The following PCNX1 variants were observed in gnomAD, a reference collection of about 807,000 sequenced individuals.
PCNX1 encodes pecanex 1.
PCNX1 carries 78 observed loss-of-function variants against 242.2 expected under a neutral mutation model. The observed-to-expected ratio is 0.32, with a 90% CI of 0.27 to 0.39. PCNX1 has a LOEUF of 0.39. Among genes scored for constraint, PCNX1 ranks in the 10% least tolerant of loss-of-function variants. The pLI is 1.00. For missense variants in PCNX1, 2,581 were observed against 2,856.5 expected, an observed-to-expected ratio of 0.90 and a Z score of 2.20; for synonymous variants, 1,024 against 1,032.9, an observed-to-expected ratio of 0.99 and a Z score of 0.17.
At chr14:71,055,405 C>A (rs2061155601) in intron 24 of PCNX1, 99 bp from the exon 25 acceptor site, 1 of 697,488 alleles carries the variant, frequency 1.4e-6, no homozygotes, top group East Asian at 2.7e-5. Flanking sequence ...AAAGTGATAA[C>A]CTTTATTTTA....
In PCNX1 at chr14:70,978,743, T is replaced by C; in HGVS notation, c.2311+95T>C. On this transcript the variant is annotated intron_variant, in intron 6 of 35. Transcript: ENST00000304743. ...TTACTAAAATATGCTTCTGTTAATATTCCCCCTTCCACTGTGTTATTAAAA... is the reference window on the plus strand; with the variant it reads ...TTACTAAAATATGCTTCTGTTAATACTCCCCCTTCCACTGTGTTATTAAAA... 5 of 1,065,996 alleles carry C rather than the reference T, an allele frequency of 4.7e-6. No individual in the cohort carries two copies. In the Admixed American group the frequency reaches 1.2e-4, roughly 26 times the overall value. 66.0% of individuals were successfully genotyped at this position (1,065,996 alleles called of 1,614,324 possible). A position where few individuals can be genotyped will look rare whatever the true frequency, so the allele number is the denominator to read the frequency against.
chr14:71,084,286 C>T (rs1314790402), intron 28 of PCNX1, among the ~76,000 whole-genome samples: 1 of 152,198 alleles, frequency 6.6e-6, no homozygotes, highest in Admixed American at 6.5e-5. Flanking sequence ...TGTCTGTCGA[C>T]CCCTGCCCGG....
chr14:70,928,841 T>C (rs1163116747), intron 1 of PCNX1, among the ~76,000 whole-genome samples: 1 of 152,226 alleles, frequency 6.6e-6, no homozygotes, highest in Non-Finnish European at 1.5e-5. Context: ...CTTTCTGCTT[T>C]ATTTTAATAA....
chr14:70,962,175 T>C (rs762341667), intron 2 of PCNX1, 51 bp from the exon 3 acceptor site: 6 of 1,080,384 alleles, frequency 5.6e-6, no homozygotes, highest in African/African-American at 3.1e-5. Context: ...AGGAAAAGCA[T>C]TGGAGTCAGA....
At chr14:70,909,999 T>C (rs2055752628) in intron 1 of PCNX1, among the ~76,000 whole-genome samples, 1 of 76,060 alleles carries the variant, frequency 1.3e-5, no homozygotes, top group Admixed American at 1.3e-4. Context: ...ATAGGGGCTG[T>C]ATCTTCAAAA....
Position 70,957,096 on chromosome 14 carries a change from A to G in PCNX1, c.363-5130A>G, listed in dbSNP as rs571157754. Among the ~76,000 whole-genome samples, 14 of 152,070 alleles carry G rather than the reference A, an allele frequency of 9.2e-5. 1 individual carries two copies. The South Asian group carries it at 2.9e-3, about 32-fold the overall frequency. ...CTGCAGCCTTTACCTCCCGGGCTAA[A>G]TCTGTCTACTAACCTCAGCCTCTTG... On this transcript the variant is annotated intron_variant, in intron 2 of 35. Coordinates refer to ENST00000304743, the MANE Select transcript of PCNX1 (RefSeq NM_014982.3).
At chr14:70,916,649 A>G (rs1323577662) in intron 1 of PCNX1, among the ~76,000 whole-genome samples, 4 of 152,244 alleles carry the variant, frequency 2.6e-5, no homozygotes, top group Admixed American at 2.6e-4. Context: ...GCTTAAAAAT[A>G]TGCCAAGGAT....
intron 26 of PCNX1, among the ~76,000 whole-genome samples, chr14:71,068,483 TACAC>T (rs911658502): frequency 2.7e-5 from 4 of 149,234 alleles, no homozygotes; most frequent in Middle Eastern, 3.3e-3. Flanking sequence ...TGCATATGTA[TACAC>T]ACACACATAT....
In PCNX1 at chr14:71,071,681, A is replaced by G. The variant is rs942284810; in HGVS notation, c.4853-1864A>G. ...TGTACAGTCTGCAGAACTGTGAGCC[A>G]GTTAAACCTCTTTTCATTACAAATT... On this transcript the variant is annotated intron_variant, in intron 26 of 35. Coordinates refer to ENST00000304743, the MANE Select transcript of PCNX1 (RefSeq NM_014982.3). 3.3e-5 allele frequency among the ~76,000 whole-genome samples: 5 copies of G among 152,292 alleles called. No homozygotes were observed. In the South Asian group the frequency reaches 6.2e-4, roughly 19 times the overall value.
intron 26 of PCNX1, among the ~76,000 whole-genome samples, chr14:71,068,115 T>C (rs2061493040): frequency 6.6e-6 from 1 of 151,748 alleles, no homozygotes; most frequent in Admixed American, 6.6e-5. Flanking sequence ...TCATCTGAGG[T>C]TTGGAGTTCG....
intron 26 of PCNX1, among the ~76,000 whole-genome samples, chr14:71,073,006 A>G (rs1241214410): frequency 1.3e-5 from 2 of 152,232 alleles, no homozygotes; most frequent in African/African-American, 4.8e-5. Flanking sequence ...TTACCACACG[A>G]ATTATCAGAC....
intron 31 of PCNX1, 75 bp downstream of exon 31, chr14:71,102,295 G>A: frequency 1.0e-6 from 1 of 1,004,824 alleles, no homozygotes; most frequent in Admixed American, 2.0e-5. Context: ...TTTTTTTTGA[G>A]ACAGAGTCTC....
At chr14:70,989,534 ATTTTTTTTTT>A (rs34767376) in intron 7 of PCNX1, among the ~76,000 whole-genome samples, 1 of 126,364 alleles carries the variant, frequency 7.9e-6, no homozygotes, top group Admixed American at 8.9e-5. Flanking sequence ...ACAGATATAA[ATTTTTTTTTT>A]TTTTTTTTTT....
intron 15 of PCNX1, 25 bp downstream of exon 15, chr14:71,026,907 T>G (rs1430797820): frequency 1.0e-6 from 1 of 952,646 alleles, no homozygotes; most frequent in African/African-American, 1.6e-5. Context: ...ATAAAAATTA[T>G]AGATTACAGT....
rs562474327 is a variant in PCNX1 at position 70,941,275 on chromosome 14, GT to G, written c.154-5639del. On this transcript the variant is annotated intron_variant, in intron 1 of 35. Coordinates refer to ENST00000304743, the MANE Select transcript of PCNX1 (RefSeq NM_014982.3). ...ATCTTTGTGGTTTTATCTACCTTTG[GT>G]CTTTGATGATGGTGACCTACAGTTG... Among the ~76,000 whole-genome samples, 220 of 152,254 alleles carry G rather than the reference GT, an allele frequency of 1.4e-3. 5 individuals are homozygous for G. Among genetic ancestry groups the G allele is most frequent in the Non-Finnish European group, 3.1e-4 (21 of 68,020 alleles).
chr14:71,039,393 G>T lies in PCNX1; in HGVS notation c.3867+3236G>T, dbSNP rs2060641598. Among the ~76,000 whole-genome samples, 4 of 151,964 alleles carry T rather than the reference G, an allele frequency of 2.6e-5. No individual in the cohort carries two copies. The South Asian group carries it at 8.3e-4, about 32-fold the overall frequency. ...CATGCCTCAGTTCCTTCTGACTATT[G>T]GCTGGAGACCTCAGTTCCCCTCCAT... On this transcript the variant is annotated intron_variant, in intron 19 of 35. Coordinates refer to ENST00000304743, the MANE Select transcript of PCNX1 (RefSeq NM_014982.3).
rs571546824 is a variant in PCNX1 at position 70,952,580 on chromosome 14, G to T, written c.362+5457G>T. On this transcript the variant is annotated intron_variant, in intron 2 of 35. Coordinates refer to ENST00000304743, the MANE Select transcript of PCNX1 (RefSeq NM_014982.3). ...ATACAGTATGCATTTCTCTATGAGA[G>T]ATTTTTTTTTTGCACAGTATATTAT... Among the ~76,000 whole-genome samples, 16 of 148,874 alleles carry T rather than the reference G, an allele frequency of 1.1e-4. 1 individual carries two copies. The South Asian group carries it at 3.3e-3, about 30-fold the overall frequency.
intron 26 of PCNX1, among the ~76,000 whole-genome samples, chr14:71,062,592 A>G (rs2061354243): frequency 6.6e-6 from 1 of 152,126 alleles, no homozygotes; most frequent in South Asian, 2.1e-4. Flanking sequence ...TTTAAGCGTT[A>G]TTACAAAGGA....
chr14:71,067,191 C>G (rs1266325781), intron 26 of PCNX1, among the ~76,000 whole-genome samples: 1 of 151,934 alleles, frequency 6.6e-6, no homozygotes, highest in Non-Finnish European at 1.5e-5. Context: ...GGAATGGTAC[C>G]AACTCTTCTT....
Sources: allele counts gnomAD v4.1 joint callset (sites outside exome capture counted in the v4.1 genomes callset), GRCh38; gene constraint gnomAD v4.1.1; transcripts MANE v1.5; gene names NCBI Gene and HGNC (gene_info 2026-07-23, HGNC 2026-07-21).